RBFOX1: variants seen among roughly 807,000 people sequenced by gnomAD.
RBFOX1 encodes the protein RNA binding protein fox-1 homolog 1.
A neutral mutation model predicts 57.7 loss-of-function variants in RBFOX1; 8 were observed. The observed-to-expected ratio is 0.14, with a 90% CI of 0.08 to 0.25. The LOEUF (loss-of-function observed/expected upper bound fraction) is 0.25. Among genes scored for constraint, RBFOX1 ranks in the 10% least tolerant of loss-of-function variants. RBFOX1 has a pLI of 1.00. For missense variants in RBFOX1, 611 were observed against 548.5 expected, an observed-to-expected ratio of 1.11 and a Z score of -1.14; for synonymous variants, 326 against 222.4, an observed-to-expected ratio of 1.47 and a Z score of -4.15.
chr16:7,138,424 T>C (rs943658310), intron 4 of RBFOX1, among the ~76,000 whole-genome samples: 1 of 152,122 alleles, frequency 6.6e-6, no homozygotes, highest in Non-Finnish European at 1.5e-5. Context: ...GATTTCCTTA[T>C]TGGCAACGTG....
rs58553232 is a variant in RBFOX1 at position 7,328,477 on chromosome 16, CAAAAAAAAAAA to C, written c.28-189657_28-189647del. Among the ~76,000 whole-genome samples the C allele has an allele frequency of 6.6e-5, 4 of 60,742 alleles. No homozygotes were observed. The East Asian group carries it at 1.8e-3, about 28-fold the overall frequency. 39.8% of individuals were successfully genotyped at this position (60,742 alleles called of 152,430 possible). A position where few individuals can be genotyped will look rare whatever the true frequency, so the allele number is the denominator to read the frequency against. ...CCTGGGACAGAGCGAGACTCTGTCT[CAAAAAAAAAAA>C]AAAAAAAAAAAAGAAGACCTGGGAA... On this transcript the variant is annotated intron_variant, in intron 4 of 15. Transcript: ENST00000550418.
At chr16:5,653,891 C>G (rs913641122) in intron 3 of RBFOX1, among the ~76,000 whole-genome samples, 3 of 152,104 alleles carry the variant, frequency 2.0e-5, no homozygotes, top group African/African-American at 4.8e-5. Context: ...TGCTCTCGGC[C>G]CCTGAAAGAT....
At chr16:7,451,240 T>A (rs2098850796) in intron 4 of RBFOX1, among the ~76,000 whole-genome samples, 1 of 152,254 alleles carries the variant, frequency 6.6e-6, no homozygotes, top group African/African-American at 2.4e-5. Flanking sequence ...CATATAATAT[T>A]GAATTCAGTT....
intron 3 of RBFOX1, among the ~76,000 whole-genome samples, chr16:6,831,340 A>C (rs187548236): frequency 2.6e-5 from 4 of 152,320 alleles, no homozygotes; most frequent in African/African-American, 7.2e-5. Flanking sequence ...CCAATGTCTT[A>C]TTAGATGATA....
chr16:5,880,024 C>A (rs1315453927), intron 4 of RBFOX1, among the ~76,000 whole-genome samples: 1 of 152,190 alleles, frequency 6.6e-6, no homozygotes, highest in East Asian at 1.9e-4. Context: ...AATTAAATGC[C>A]TGCCATGGTG....
chr16:5,387,134 C>T (rs1281591853), intron 1 of RBFOX1, among the ~76,000 whole-genome samples: 1 of 152,182 alleles, frequency 6.6e-6, no homozygotes, highest in Non-Finnish European at 1.5e-5. Context: ...CCACAAGGCT[C>T]AAATCTTGGG....
At chr16:6,369,549 G>A (rs1013055100) in intron 2 of RBFOX1, among the ~76,000 whole-genome samples, 1 of 152,124 alleles carries the variant, frequency 6.6e-6, no homozygotes, top group Non-Finnish European at 1.5e-5. Context: ...TAAAGTTGTT[G>A]GGAGTGAAGA....
chr16:5,311,124 G>A (rs1454408977), intron 1 of RBFOX1, among the ~76,000 whole-genome samples: 1 of 152,136 alleles, frequency 6.6e-6, no homozygotes, highest in Non-Finnish European at 1.5e-5. Flanking sequence ...ACTTCACTTA[G>A]AATAATGGCC....
intron 2 of RBFOX1, among the ~76,000 whole-genome samples, chr16:6,322,309 C>T (rs527818281): frequency 6.6e-6 from 1 of 152,182 alleles, no homozygotes; most frequent in Admixed American, 6.5e-5. Flanking sequence ...TAAGCTCATC[C>T]TTACCTAACA....
intron 3 of RBFOX1, among the ~76,000 whole-genome samples, chr16:5,857,482 G>A (rs1449712813): frequency 6.6e-6 from 1 of 152,150 alleles, no homozygotes; most frequent in Non-Finnish European, 1.5e-5. Flanking sequence ...TAAAGAGCAA[G>A]CAGTGTCTGT....
intron 1 of RBFOX1, among the ~76,000 whole-genome samples, chr16:6,278,160 C>G (rs2076019900): frequency 6.6e-6 from 1 of 151,980 alleles, no homozygotes; most frequent in Non-Finnish European, 1.5e-5. Context: ...TAAAGAGGGG[C>G]AGTAAATGTG....
At chr16:7,527,270 A>T (rs2078919997) in intron 5 of RBFOX1, among the ~76,000 whole-genome samples, 1 of 152,168 alleles carries the variant, frequency 6.6e-6, no homozygotes, top group African/African-American at 2.4e-5. Context: ...TCTGCAATAC[A>T]TGGCCCTTGG....
intron 3 of RBFOX1, among the ~76,000 whole-genome samples, chr16:5,797,767 G>C (rs376333658): frequency 6.6e-6 from 1 of 152,096 alleles, no homozygotes; most frequent in African/African-American, 2.4e-5. Flanking sequence ...GCTAAAATAC[G>C]ATAAGCAGCC....
intron 1 of RBFOX1, among the ~76,000 whole-genome samples, chr16:5,350,071 G>A (rs554060304): frequency 6.6e-6 from 1 of 152,372 alleles, no homozygotes; most frequent in Non-Finnish European, 1.5e-5. Context: ...GGAAATGAAA[G>A]CCTGGGGTAG....
chr16:5,242,988 G>GGGGTGGA (rs998290299), intron 1 of RBFOX1, among the ~76,000 whole-genome samples: 1 of 148,656 alleles, frequency 6.7e-6, no homozygotes, highest in African/African-American at 2.5e-5. Context: ...GACGTGGTGG[G>GGGGTGGA]GGGTGGAGGG....
At chr16:7,320,460 T>G (rs1017925147) in intron 4 of RBFOX1, among the ~76,000 whole-genome samples, 2 of 152,352 alleles carry the variant, frequency 1.3e-5, no homozygotes, top group Admixed American at 6.5e-5. Context: ...TACCACATTT[T>G]CTTTATCCAG....
At chr16:5,465,387 G>A (rs1051270488) in intron 1 of RBFOX1, among the ~76,000 whole-genome samples, 2 of 152,160 alleles carry the variant, frequency 1.3e-5, no homozygotes, top group African/African-American at 4.8e-5. Context: ...CTCTTTAAAG[G>A]TCCTGTCTGC....
At chr16:7,568,480 T>C (rs1350057457) in intron 5 of RBFOX1, among the ~76,000 whole-genome samples, 1 of 152,154 alleles carries the variant, frequency 6.6e-6, no homozygotes, top group East Asian at 1.9e-4. Context: ...GAGGTCACTT[T>C]CGTTGCCATC....
At position 7,478,947 on chromosome 16, in the gene RBFOX1, G is replaced by A. The variant is rs183571475; in HGVS notation, c.28-39200G>A. 1.5e-4 allele frequency among the ~76,000 whole-genome samples: 23 copies of A among 152,048 alleles called. 1 individual carries two copies. Among genetic ancestry groups the A allele is most frequent in the South Asian group, 6.2e-4 (3 of 4,802 alleles). On this transcript the variant is annotated intron_variant, in intron 4 of 15. Coordinates refer to ENST00000550418, the MANE Select transcript of RBFOX1 (RefSeq NM_018723.4). ...GAGTACCATCATTTCGTTTGTTCCC[G>A]TGCGGACCGAACACGGTATTAGCCT...
Sources: allele counts gnomAD v4.1 joint callset (sites outside exome capture counted in the v4.1 genomes callset), GRCh38; gene constraint gnomAD v4.1.1; transcripts MANE v1.5; gene names NCBI Gene and HGNC (gene_info 2026-07-23, HGNC 2026-07-21).